FNIP2: variants seen among roughly 807,000 people sequenced by gnomAD.
FNIP2 encodes folliculin interacting protein 2, also known as folliculin-interacting protein 2.
In FNIP2, 32 loss-of-function variants were observed where a neutral mutation model predicts 108.7. The ratio of observed to expected loss-of-function variants is 0.29; its 90% CI spans 0.22 to 0.40. The LOEUF (loss-of-function observed/expected upper bound fraction) is 0.40, where lower values mean the gene tolerates loss of function less well. Ranked by LOEUF, FNIP2 falls within the 10% of genes least tolerant of loss-of-function variation. FNIP2 has a pLI of 1.00. For synonymous variants in FNIP2, 480 were observed against 496.7 expected, an observed-to-expected ratio of 0.97 and a Z score of 0.45; for missense variants, 1,202 against 1,381.6, an observed-to-expected ratio of 0.87 and a Z score of 2.06.
chr4:158,814,705 G>C (rs1380029063), intron 1 of FNIP2, among the ~76,000 whole-genome samples: 2 of 152,124 alleles, frequency 1.3e-5, no homozygotes, highest in African/African-American at 4.8e-5. Flanking sequence ...GGGGAGGGAG[G>C]GGATGAAGGA....
intron 8 of FNIP2, among the ~76,000 whole-genome samples, chr4:158,853,476 A>G (rs1779811232): frequency 6.6e-6 from 1 of 152,176 alleles, no homozygotes; most frequent in South Asian, 2.1e-4. Flanking sequence ...TGCTGCACCC[A>G]TTAACTTGTC....
chr4:158,854,887 AG>A (rs1779898334), intron 8 of FNIP2, among the ~76,000 whole-genome samples: 1 of 152,172 alleles, frequency 6.6e-6, no homozygotes, highest in Non-Finnish European at 1.5e-5. Flanking sequence ...ATCTATTTTC[AG>A]GCAAGGTAGG....
intron 1 of FNIP2, among the ~76,000 whole-genome samples, chr4:158,788,133 T>C (rs1776280846): frequency 6.6e-6 from 1 of 152,204 alleles, no homozygotes; most frequent in African/African-American, 2.4e-5. Context: ...TTGGGAATAA[T>C]AGTAACCACC....
intron 3 of FNIP2, among the ~76,000 whole-genome samples, chr4:158,829,990 C>T (rs1407674939): frequency 1.3e-5 from 2 of 152,090 alleles, no homozygotes; most frequent in Non-Finnish European, 2.9e-5. Flanking sequence ...CTTTTTGAGA[C>T]ACAGTGCTCC....
intron 1 of FNIP2, among the ~76,000 whole-genome samples, chr4:158,788,093 G>A (rs531875691): frequency 2.6e-5 from 4 of 152,240 alleles, no homozygotes; most frequent in East Asian, 1.9e-4. Context: ...TAACCATGCC[G>A]TGCTATGCTG....
In FNIP2 at chr4:158,869,432, A is replaced by G. The variant is rs1422887423; in HGVS notation, c.2792+4A>G. 1.3e-6 allele frequency: 2 copies of G among 1,586,428 alleles called. No individual in the cohort carries two copies. Among genetic ancestry groups the G allele is most frequent in the Non-Finnish European group, 1.7e-6 (2 of 1,168,594 alleles). ...AAGTGGAGCTGCCTCTGCCAAGGTA[A>G]CTCCAGCAGGCTGGGAAGTAGAGGG... On this transcript the variant is annotated splice_donor_region_variant and intron_variant, in intron 13 of 16. Transcript: ENST00000264433.
chr4:158,895,510 A>T (rs1435890185), intron 15 of FNIP2, among the ~76,000 whole-genome samples: 1 of 152,254 alleles, frequency 6.6e-6, no homozygotes, highest in Admixed American at 6.5e-5. Flanking sequence ...TTGTTTAAAA[A>T]GACTAGAATA....
intron 1 of FNIP2, among the ~76,000 whole-genome samples, chr4:158,790,802 G>A (rs867788104): frequency 1.3e-5 from 2 of 151,850 alleles, no homozygotes; most frequent in Non-Finnish European, 2.9e-5. Context: ...AAGGTTAGAT[G>A]ACTTAAGTGT....
At chr4:158,788,480 T>C (rs1007229941) in intron 1 of FNIP2, among the ~76,000 whole-genome samples, 12 of 152,370 alleles carry the variant, frequency 7.9e-5, no homozygotes, top group Middle Eastern at 3.4e-3. Flanking sequence ...TTTTCTTTCT[T>C]TTTGTGATGA....
At chr4:158,818,703 C>T (rs1195078076) in intron 1 of FNIP2, among the ~76,000 whole-genome samples, 1 of 152,230 alleles carries the variant, frequency 6.6e-6, no homozygotes, top group Non-Finnish European at 1.5e-5. Flanking sequence ...CCAAGGCTCT[C>T]AGTTAAGGAA....
rs1775599828 is a variant in FNIP2 at position 158,769,076 on chromosome 4, T to C, written c.-137T>C. On this transcript the variant is annotated 5_prime_UTR_variant, in exon 1 of 17. Transcript: ENST00000264433. ...TCCGGCGCCGAGCAGAGTTACTCAG[T>C]CGCAGCGGCCCCGCGCTCCCGCAAG... 5.7e-6 allele frequency: 1 copy of C among 175,912 alleles called. No individual in the cohort carries two copies. The highest frequency in any genetic ancestry group is 1.1e-5 in the Non-Finnish European group (1 of 93,046). 10.9% of individuals were successfully genotyped at this position (175,912 alleles called of 1,614,324 possible). A position where few individuals can be genotyped will look rare whatever the true frequency, so the allele number is the denominator to read the frequency against.
In FNIP2 at chr4:158,861,537, T is replaced by G. The variant is rs1213868407; in HGVS notation, c.1295+49T>G. On this transcript the variant is annotated intron_variant, in intron 11 of 16. Coordinates refer to ENST00000264433, the MANE Select transcript of FNIP2 (RefSeq NM_020840.3). The stretch of plus-strand genomic sequence containing the variant: ...TTGTATGCAAATCTCATGGCCAATG[T>G]GTGTACTGCATAGGATGTGCCTCTT... 6.2e-6 allele frequency: 10 copies of G among 1,613,536 alleles called. No individual in the cohort carries two copies. The Admixed American group carries it at 6.7e-5, about 11-fold the overall frequency.
At chr4:158,863,519 CT>C (rs1158002261) in intron 12 of FNIP2, among the ~76,000 whole-genome samples, 1 of 152,196 alleles carries the variant, frequency 6.6e-6, no homozygotes, top group Non-Finnish European at 1.5e-5. Flanking sequence ...CCGGATGCCA[CT>C]TTCACGGGTT....
intron 3 of FNIP2, among the ~76,000 whole-genome samples, chr4:158,831,156 G>T (rs1417812574): frequency 6.6e-6 from 1 of 152,064 alleles, no homozygotes; most frequent in Non-Finnish European, 1.5e-5. Flanking sequence ...AACTGGAAAG[G>T]GTCCATTGGA....
intron 3 of FNIP2, 95 bp from the exon 4 acceptor site, chr4:158,831,766 A>G: frequency 2.6e-6 from 2 of 771,816 alleles, no homozygotes; most frequent in Non-Finnish European, 2.2e-6. Context: ...AGTTTTAATC[A>G]CCGATGACAC....
chr4:158,868,839 A>G lies in FNIP2; in HGVS notation c.2203A>G (p.Met735Val). The change falls in exon 13 of 17, where the codon ATG becomes GTG. Residue 735 changes from methionine (M) to valine (V), a missense_variant. Met to Val is a conservative substitution (Grantham distance 21). Transcript: ENST00000264433. The surrounding 1 kb of genome is among the most constrained non-coding windows in gnomAD (Gnocchi z 4.6). ...TCCAGAGTCTGACTTTGAAAGCCGC[A>G]TGAAAAAAATGGAGGAACGGGTGAA... ...ASPESDFESR[M>V]KKMEERVKAC... 1.2e-6 allele frequency: 2 copies of G among 1,613,800 alleles called. No homozygotes were observed. Among genetic ancestry groups the G allele is most frequent in the Non-Finnish European group, 1.7e-6 (2 of 1,179,884 alleles).
chr4:158,904,514 T>C lies in FNIP2; in HGVS notation c.3315T>C (p.His1105=). The C allele has an allele frequency of 6.2e-7, 1 of 1,613,320 alleles. No homozygotes were observed. The highest frequency in any genetic ancestry group is 8.5e-7 in the Non-Finnish European group (1 of 1,179,826). Residue 1105 remains histidine, a synonymous_variant, in exon 17 of 17, where the codon CAT becomes CAC. Coordinates refer to ENST00000264433, the MANE Select transcript of FNIP2 (RefSeq NM_020840.3). ...TGTTGACTGCTATTGCCAGTACTCA[T>C]TCTCCTTATGTGGCTCAAATACTCT... ...LPLLTAIAST[H]SPYVAQILL
intron 1 of FNIP2, among the ~76,000 whole-genome samples, chr4:158,814,427 A>G (rs1191933230): frequency 6.6e-6 from 1 of 152,222 alleles, no homozygotes; most frequent in Non-Finnish European, 1.5e-5. Flanking sequence ...GTGTTTGGTA[A>G]ACTCTAAAAT....
intron 14 of FNIP2, among the ~76,000 whole-genome samples, chr4:158,888,178 A>C (rs893594933): frequency 1.3e-5 from 2 of 152,250 alleles, no homozygotes; most frequent in Non-Finnish European, 1.5e-5. Flanking sequence ...TAAATAAGTA[A>C]GTAGCTACTA....
Sources: allele counts gnomAD v4.1 joint callset (sites outside exome capture counted in the v4.1 genomes callset), GRCh38; gene constraint gnomAD v4.1.1; non-coding constraint Gnocchi (gnomAD v3.1); transcripts MANE v1.5; gene names NCBI Gene and HGNC (gene_info 2026-07-23, HGNC 2026-07-21).